The following EPM2A variants were observed in gnomAD, a reference collection of about 807,000 sequenced individuals.
The protein encoded by EPM2A is laforin.
Under a neutral mutation model 26.5 loss-of-function variants are expected in EPM2A, and 21 were observed. The observed-to-expected ratio is 0.79, with a 90% confidence interval of 0.56 to 1.14. EPM2A has a LOEUF of 1.14. EPM2A is among the 50% of genes most tolerant of loss of function. The pLI is 0.00. For missense variants in EPM2A, 458 were observed against 440.8 expected (o/e 1.04, Z -0.35); for synonymous variants, 217 against 177.6 (o/e 1.22, Z -1.76).
intron 2 of EPM2A, among the ~76,000 whole-genome samples, chr6:145,660,040 A>G (rs556287194): frequency 8.5e-5 from 13 of 152,278 alleles, no homozygotes; most frequent in African/African-American, 3.1e-4. Context: ...GCTTTGCTCA[A>G]TTAAACTCTA....
chr6:145,406,145 T>C (rs1388964433), intron 4 of EPM2A, among the ~76,000 whole-genome samples: 1 of 152,116 alleles, frequency 6.6e-6, no homozygotes, highest in African/African-American at 2.4e-5. Flanking sequence ...TACTCAATAG[T>C]TAAAGGCTGC....
At chr6:145,506,507 A>G in intron 2 of EPM2A, among the ~76,000 whole-genome samples, 1 of 152,138 alleles carries the variant, frequency 6.6e-6, no homozygotes, top group East Asian at 1.9e-4. Flanking sequence ...TTGTATATAC[A>G]CAAGATAGAA....
chr6:145,600,443 T>G (rs546472463), intron 2 of EPM2A, among the ~76,000 whole-genome samples: 1 of 152,316 alleles, frequency 6.6e-6, no homozygotes, highest in Middle Eastern at 3.4e-3. Flanking sequence ...CCGCCTAAAG[T>G]GCTGTCCTTT....
intron 4 of EPM2A, among the ~76,000 whole-genome samples, chr6:145,392,653 T>G (rs900990105): frequency 3.3e-5 from 5 of 152,116 alleles, no homozygotes; most frequent in African/African-American, 1.2e-4. Context: ...TTGTGACTAT[T>G]ATCAAGGACT....
intron 4 of EPM2A, among the ~76,000 whole-genome samples, chr6:145,475,699 T>C (rs572000646): frequency 1.9e-4 from 29 of 152,188 alleles, no homozygotes; most frequent in Non-Finnish European, 3.4e-4. Flanking sequence ...CATTTGTTTA[T>C]GCAAATAGTG....
intron 1 of EPM2A, chr6:145,721,711 T>C (rs1368058698): frequency 6.6e-6 from 1 of 152,210 alleles, no homozygotes; most frequent in Non-Finnish European, 1.5e-5. Flanking sequence ...CTCAAACACA[T>C]TCACTCTCAC....
Position 145,505,341 on chromosome 6 carries a change from C to G in EPM2A, c.341-2766G>C, listed in dbSNP as rs1404809931. Among the ~76,000 whole-genome samples, 7 of 152,066 alleles carry G rather than the reference C, an allele frequency of 4.6e-5. No individual in the cohort carries two copies. The Middle Eastern group carries it at 0.014, about 296-fold the overall frequency. ...CTGTATATCTATCTAGATCTCCTAA[C>G]AGTTAACATTTTCATATATGTGCTT... On this transcript the variant is annotated intron_variant, in intron 2 of 3. Coordinates refer to the EPM2A transcript ENST00000450221.
At chr6:145,419,187 C>CCA (rs940189233) in intron 4 of EPM2A, among the ~76,000 whole-genome samples, 2 of 150,464 alleles carry the variant, frequency 1.3e-5, no homozygotes, top group South Asian at 2.2e-4. Flanking sequence ...ATGTCCCCCC[C>CCA]CCCCGCTCCT....
chr6:145,449,341 A>G (rs1164192828), intron 4 of EPM2A, among the ~76,000 whole-genome samples: 1 of 152,228 alleles, frequency 6.6e-6, no homozygotes, highest in African/African-American at 2.4e-5. Flanking sequence ...GGCCATGTGC[A>G]GTCTATTTTT....
At chr6:145,513,063 A>G (rs1582814049) in intron 2 of EPM2A, among the ~76,000 whole-genome samples, 2 of 152,202 alleles carry the variant, frequency 1.3e-5, no homozygotes, top group East Asian at 1.9e-4. Context: ...GACAAATGAG[A>G]TTTAATCAAA....
chr6:145,724,367 A>C (rs1296579940), intron 1 of EPM2A, among the ~76,000 whole-genome samples: 1 of 152,160 alleles, frequency 6.6e-6, no homozygotes, highest in African/African-American at 2.4e-5. Context: ...ACCCTTATGT[A>C]TAAATCTAAC....
intron 1 of EPM2A, among the ~76,000 whole-genome samples, chr6:145,703,106 T>C (rs1256687344): frequency 2.1e-5 from 1 of 46,536 alleles, no homozygotes; most frequent in Admixed American, 2.8e-4. Flanking sequence ...TTTTTTTTTT[T>C]TTTCGAGACG....
At chr6:145,506,885 A>G (rs1276160499) in intron 2 of EPM2A, among the ~76,000 whole-genome samples, 1 of 152,210 alleles carries the variant, frequency 6.6e-6, no homozygotes, top group African/African-American at 2.4e-5. Flanking sequence ...GTAAGAGAGA[A>G]TAGATGAGAA....
rs139536860 is a variant in EPM2A, at chr6:145,710,836, C to G, written c.301+24362G>C. 4.7e-3 allele frequency among the ~76,000 whole-genome samples: 717 copies of G among 151,914 alleles called. 6 individuals carry two copies. The highest frequency in any genetic ancestry group is 0.02 in the Middle Eastern group (6 of 294). On this transcript the variant is annotated intron_variant, in intron 1 of 3. Coordinates refer to ENST00000367519, the MANE Select transcript of EPM2A (RefSeq NM_005670.4). ...GTCCTTTGTAGTGACATAGATGAAG[C>G]TGGAAATCATCATTCTGAGCAAAGT...
intron 2 of EPM2A, among the ~76,000 whole-genome samples, chr6:145,600,922 T>C (rs1348585924): frequency 6.6e-6 from 1 of 152,180 alleles, no homozygotes; most frequent in Non-Finnish European, 1.5e-5. Context: ...TTTAACAAAG[T>C]CTCCACTGTC....
chr6:145,657,247 G>A lies in EPM2A; in HGVS notation c.477-21761C>T, dbSNP rs1239303408. Reference sequence around the variant, plus strand: ...TGGGACTACAGGCGAGCACCACCACGCCTGGCTAATTTTTGTATTTTTGGT... The same window carrying A: ...TGGGACTACAGGCGAGCACCACCACACCTGGCTAATTTTTGTATTTTTGGT... On this transcript the variant is annotated intron_variant, in intron 2 of 3. Transcript: ENST00000367519. Among the ~76,000 whole-genome samples the A allele has an allele frequency of 4.6e-5, 7 of 151,816 alleles. No homozygotes were observed. In the East Asian group the frequency reaches 7.8e-4, roughly 17 times the overall value.
chr6:145,443,034 T>G (rs1242384450), intron 4 of EPM2A, among the ~76,000 whole-genome samples: 1 of 151,110 alleles, frequency 6.6e-6, no homozygotes, highest in African/African-American at 2.4e-5. Flanking sequence ...CTAATTTTTG[T>G]GTGTGTGTGT....
intron 2 of EPM2A, among the ~76,000 whole-genome samples, chr6:145,591,431 CAAAGAG>C (rs1781272112): frequency 6.6e-6 from 1 of 151,852 alleles, no homozygotes; most frequent in African/African-American, 2.4e-5. Context: ...AACCCAAAGA[CAAAGAG>C]AAATTACTAA....
chr6:145,730,687 A>G (rs1364670995), intron 1 of EPM2A, among the ~76,000 whole-genome samples: 1 of 152,242 alleles, frequency 6.6e-6, no homozygotes, highest in Non-Finnish European at 1.5e-5. Flanking sequence ...AATTATTTTT[A>G]GACTGGTTCA....
Sources: gnomAD v4.1 joint callset for allele counts (sites outside exome capture counted in the v4.1 genomes callset) on GRCh38, gnomAD v4.1.1 for gene constraint, MANE v1.5 for transcripts, NCBI Gene and HGNC (gene_info 2026-07-23, HGNC 2026-07-21) for gene names.